The following SRSF12 variants were observed in gnomAD, a reference collection of about 807,000 sequenced individuals.
SRSF12 encodes serine and arginine rich splicing factor 12, also known as serine/arginine-rich splicing factor 12.
A neutral mutation model predicts 34.1 loss-of-function variants in SRSF12; 21 were observed. That is an observed-to-expected ratio of 0.62 (90% CI 0.44 to 0.89). The LOEUF (loss-of-function observed/expected upper bound fraction) is 0.89, where lower values mean the gene tolerates loss of function less well. SRSF12 is among the 40% of genes least tolerant of loss of function. The pLI is 0.00. For missense variants in SRSF12, 278 were observed against 327.8 expected, an observed-to-expected ratio of 0.85 and a Z score of 1.17; for synonymous variants, 111 against 110.8, an observed-to-expected ratio of 1.00 and a Z score of -0.01.
chr6:89,116,887 A>G (rs1769324501), intron 1 of SRSF12, among the ~76,000 whole-genome samples: 2 of 152,192 alleles, frequency 1.3e-5, no homozygotes, highest in African/African-American at 4.8e-5. Flanking sequence ...CCATGTATCT[A>G]TACCTCTCTG....
At chr6:89,110,960 T>TA (rs969724510) in intron 1 of SRSF12, among the ~76,000 whole-genome samples, 16 of 150,952 alleles carry the variant, frequency 1.1e-4, no homozygotes, top group South Asian at 6.3e-4. Flanking sequence ...CTACAAAAAA[T>TA]AAAAAAAAAT....
rs765233604 is a variant in SRSF12 at position 89,107,245 on chromosome 6, G to A, written c.79C>T (p.Arg27Cys). ...GGGCCATATCGACCAAACTCACGGC[G>A]CAAGTCCTCAGGCCTGAAGTGTTTT... ...VADATRPEDL[R>C]REFGRYGPIV... The change falls in exon 2 of 5, where the codon CGC becomes TGC. Residue 27 changes from arginine to cysteine, a missense_variant. By Grantham distance (180) the Arg-to-Cys change is radical. Transcript: ENST00000452027. 16 of 1,613,896 alleles carry A rather than the reference G, an allele frequency of 9.9e-6. No individual in the cohort carries two copies. The highest frequency in any genetic ancestry group is 6.7e-5 in the Admixed American group (4 of 59,982).
intron 1 of SRSF12, among the ~76,000 whole-genome samples, chr6:89,112,344 C>T (rs1769091504): frequency 6.6e-6 from 1 of 151,818 alleles, no homozygotes; most frequent in African/African-American, 2.4e-5. Flanking sequence ...TGTTTTAAAA[C>T]ATTCTTAGTA....
chr6:89,101,613 G>A (rs374674232), intron 4 of SRSF12, among the ~76,000 whole-genome samples: 1 of 151,820 alleles, frequency 6.6e-6, no homozygotes, highest in Admixed American at 6.6e-5. Context: ...CAGGAGAATC[G>A]CTTGAATCTG....
intron 4 of SRSF12, among the ~76,000 whole-genome samples, chr6:89,103,482 C>T (rs1484398231): frequency 5.9e-5 from 9 of 152,186 alleles, no homozygotes; most frequent in Admixed American, 5.9e-4. Context: ...GCCTGTGCCA[C>T]CACACCCACC....
At chr6:89,115,199 G>A (rs1357442198) in intron 1 of SRSF12, among the ~76,000 whole-genome samples, 2 of 151,910 alleles carry the variant, frequency 1.3e-5, no homozygotes, top group Non-Finnish European at 2.9e-5. Context: ...CCGGGCTCAA[G>A]TGACCTCCCG....
intron 1 of SRSF12, among the ~76,000 whole-genome samples, chr6:89,107,581 A>C (rs776578401): frequency 2.0e-4 from 30 of 151,894 alleles, no homozygotes; most frequent in South Asian, 2.1e-4. Context: ...AAATACAAAA[A>C]TCAGCCAGGT....
At position 89,114,276 on chromosome 6, in the gene SRSF12, A is replaced by C. The variant is rs1769189104; in HGVS notation, c.65+3547T>G. Reference sequence around the variant, plus strand: ...AACCCCGTCTCTACTAAAAATACAAAAATTAGCCAGGCATGGTGGCACACA... The same window carrying C: ...AACCCCGTCTCTACTAAAAATACAACAATTAGCCAGGCATGGTGGCACACA... On this transcript the variant is annotated intron_variant, in intron 1 of 4. Transcript: ENST00000452027. 1.3e-5 allele frequency among the ~76,000 whole-genome samples: 2 copies of C among 152,142 alleles called. 1 individual carries two copies. Among genetic ancestry groups the C allele is most frequent in the South Asian group, 4.1e-4 (2 of 4,832 alleles).
intron 1 of SRSF12, among the ~76,000 whole-genome samples, chr6:89,111,125 T>G (rs1769029109): frequency 6.7e-6 from 1 of 149,654 alleles, no homozygotes; most frequent in Non-Finnish European, 1.5e-5. Context: ...TTTTTTTTTT[T>G]GGAGATGGAA....
chr6:89,112,031 C>T (rs1326986797), intron 1 of SRSF12, among the ~76,000 whole-genome samples: 1 of 152,038 alleles, frequency 6.6e-6, no homozygotes, highest in African/African-American at 2.4e-5. Context: ...ATTTTGAGAC[C>T]GAGCCTCACT....
rs1047425898 is a variant in SRSF12, at chr6:89,097,474, A to G, written c.*1104T>C. 1 of 151,056 alleles carries G rather than the reference A, an allele frequency of 6.6e-6. No individual in the cohort carries two copies. The allele number at this position is 151,056 out of a possible 1,614,324, so 9.4% of individuals were successfully genotyped here. On this transcript the variant is annotated 3_prime_UTR_variant, in exon 5 of 5. Transcript: ENST00000452027. ...GGGCAGTATAATGTAAAATTCAAAT[A>G]CTGCAAAGTTGTTTTTTGAAGATGT...
rs1768289088 is a variant in SRSF12 at position 89,096,422 on chromosome 6, C to T, written c.*2156G>A. 3 of 152,148 alleles carry T rather than the reference C, an allele frequency of 2.0e-5. No homozygotes were observed. The highest frequency in any genetic ancestry group is 7.2e-5 in the African/African-American group (3 of 41,442). 9.4% of individuals were successfully genotyped at this position (152,148 alleles called of 1,614,324 possible). A position where few individuals can be genotyped will look rare whatever the true frequency, so the allele number is the denominator to read the frequency against. On this transcript the variant is annotated 3_prime_UTR_variant, in exon 5 of 5. Coordinates refer to ENST00000452027, the MANE Select transcript of SRSF12 (RefSeq NM_080743.5). The stretch of plus-strand genomic sequence containing the variant: ...GATGGTTAAATACAAGAGTGAATAA[C>T]TTAAGACATATAGAACAGTGCCAAG...
chr6:89,105,475 C>G lies in SRSF12; in HGVS notation c.226G>C (p.Val76Leu), dbSNP rs747166270. Residue 76 changes from valine (V) to leucine (L), a missense_variant, in exon 3 of 5, where the codon GTA (valine) becomes CTA (leucine). Physicochemically the swap from Val to Leu is conservative, Grantham distance 32. Transcript: ENST00000452027. ...DALYNLNRKW[V>L]CGRQIEIQFA... ...TGTATTTCAATCTGACGGCCACATA[C>G]CCACTTTCTATTGAGGTTATAAAGA... The G allele has an allele frequency of 6.2e-7, 1 of 1,612,130 alleles. No homozygotes were observed. The highest frequency in any genetic ancestry group is 8.5e-7 in the Non-Finnish European group (1 of 1,179,294).
chr6:89,104,097 A>G (rs904746943), intron 4 of SRSF12, among the ~76,000 whole-genome samples: 1 of 143,354 alleles, frequency 7.0e-6, no homozygotes, highest in Non-Finnish European at 1.5e-5. Flanking sequence ...TCAGCCTCCC[A>G]AAGTGCTGAG....
chr6:89,105,729 G>C (rs547558924), intron 2 of SRSF12, 199 bp from the exon 3 acceptor site: 1 of 348,870 alleles, frequency 2.9e-6, no homozygotes. Flanking sequence ...GTTTAGAAGA[G>C]TGAGTCTAAA....
In SRSF12 at chr6:89,117,994, C is replaced by G; in HGVS notation, c.-107G>C. 2.4e-6 allele frequency: 3 copies of G among 1,241,858 alleles called. No individual in the cohort carries two copies. The highest frequency in any genetic ancestry group is 3.3e-6 in the Non-Finnish European group (3 of 909,484). 76.9% of individuals were successfully genotyped at this position (1,241,858 alleles called of 1,614,324 possible). A position where few individuals can be genotyped will look rare whatever the true frequency, so the allele number is the denominator to read the frequency against. On this transcript the variant is annotated 5_prime_UTR_variant, in exon 1 of 5. Coordinates refer to ENST00000452027, the MANE Select transcript of SRSF12 (RefSeq NM_080743.5). ...GAGCTCCGCCGGCCCCCGGCGCGAC[C>G]CCCACCCCTCGGCCTCAGCCCCGCC... is the stretch of plus-strand genomic sequence containing the variant.
At chr6:89,099,859 CACA>C (rs986945050) in intron 4 of SRSF12, among the ~76,000 whole-genome samples, 16 of 152,042 alleles carry the variant, frequency 1.1e-4, no homozygotes, top group African/African-American at 3.9e-4. Flanking sequence ...TGAAAAGCTA[CACA>C]ACATTTATAA....
At chr6:89,099,542 T>TG (rs1768441723) in intron 4 of SRSF12, among the ~76,000 whole-genome samples, 3 of 150,156 alleles carry the variant, frequency 2.0e-5, no homozygotes, top group Non-Finnish European at 4.4e-5. Flanking sequence ...ATACATGTTT[T>TG]TTTTTTTTTT....
chr6:89,109,579 G>A (rs1221802906), intron 1 of SRSF12, among the ~76,000 whole-genome samples: 2 of 152,212 alleles, frequency 1.3e-5, no homozygotes, highest in Admixed American at 6.5e-5. Flanking sequence ...TAATATAAAA[G>A]AGGAGGCTGC....
Sources: gnomAD v4.1 joint callset for allele counts (sites outside exome capture counted in the v4.1 genomes callset) on GRCh38, gnomAD v4.1.1 for gene constraint, MANE v1.5 for transcripts, NCBI Gene and HGNC (gene_info 2026-07-23, HGNC 2026-07-21) for gene names.